The following ARHGAP42 variants were observed in gnomAD, a reference collection of about 807,000 sequenced individuals.
The protein encoded by ARHGAP42 is rho GTPase-activating protein 42.
Under a neutral mutation model 125.0 loss-of-function variants are expected in ARHGAP42, and 63 were observed. The ratio of observed to expected loss-of-function variants is 0.50; its 90% CI spans 0.41 to 0.62. The LOEUF is 0.62. Ranked by LOEUF, ARHGAP42 falls within the 20% of genes least tolerant of loss-of-function variation. ARHGAP42 has a pLI of 0.00. For synonymous variants in ARHGAP42, 339 were observed against 351.0 expected (o/e 0.97, Z 0.38); for missense variants, 766 against 1,024.2 (o/e 0.75, Z 3.44).
At chr11:100,961,044 A>C (rs1181449924) in intron 14 of ARHGAP42, 55 bp downstream of exon 14, 7 of 1,238,858 alleles carry the variant, frequency 5.7e-6, no homozygotes, top group Non-Finnish European at 7.8e-6. Context: ...AGGTAATCTA[A>C]AGTATGGACT....
intron 1 of ARHGAP42, among the ~76,000 whole-genome samples, chr11:100,706,431 C>A (rs563778767): frequency 6.6e-6 from 1 of 152,270 alleles, no homozygotes; most frequent in African/African-American, 2.4e-5. Flanking sequence ...ATATTGGAAC[C>A]ACTTCTGAAA....
chr11:100,869,176 C>T (rs550148710), intron 4 of ARHGAP42, among the ~76,000 whole-genome samples: 1 of 152,040 alleles, frequency 6.6e-6, no homozygotes, highest in South Asian at 2.1e-4. Context: ...ATGAACATTA[C>T]TTATAACTAA....
At chr11:100,948,339 C>T (rs1201412864) in intron 10 of ARHGAP42, 118 bp from the exon 11 acceptor site, 77 of 714,330 alleles carry the variant, frequency 1.1e-4, no homozygotes, top group South Asian at 3.8e-4. Context: ...TGTTTTTCTC[C>T]TCTGTCTTCA....
At chr11:100,692,052 TTTGGG>T (rs1178055405) in intron 1 of ARHGAP42, among the ~76,000 whole-genome samples, 1 of 152,228 alleles carries the variant, frequency 6.6e-6, no homozygotes, top group Non-Finnish European at 1.5e-5. Flanking sequence ...AATTGAATTG[TTTGGG>T]TGGGGACAGC....
intron 1 of ARHGAP42, among the ~76,000 whole-genome samples, chr11:100,709,886 A>G (rs1374314333): frequency 2.0e-5 from 3 of 152,260 alleles, no homozygotes; most frequent in Non-Finnish European, 2.9e-5. Context: ...CATCTTTTAA[A>G]GAATTTTTCC....
intron 4 of ARHGAP42, among the ~76,000 whole-genome samples, chr11:100,877,618 G>A (rs1865850955): frequency 6.6e-6 from 1 of 152,172 alleles, no homozygotes; most frequent in Admixed American, 6.5e-5. Context: ...AAAAAACACA[G>A]GGTTTAAGTC....
rs775502896 is a variant in ARHGAP42 at position 100,992,487 on chromosome 11, A to T, written c.*3686A>T. The stretch of plus-strand genomic sequence containing the variant: ...CCTTTTTTGTTACCTTCCAAAATCA[A>T]GACACTTTTAAGAAACAAAGATAGT... On this transcript the variant is annotated 3_prime_UTR_variant, in exon 24 of 24. Transcript: ENST00000298815. 6.2e-7 allele frequency: 1 copy of T among 1,614,130 alleles called. No individual in the cohort carries two copies. Among genetic ancestry groups the T allele is most frequent in the South Asian group, 1.1e-5 (1 of 91,080 alleles).
intron 5 of ARHGAP42, among the ~76,000 whole-genome samples, chr11:100,916,464 A>G (rs1867068987): frequency 6.6e-6 from 1 of 152,198 alleles, no homozygotes; most frequent in African/African-American, 2.4e-5. Context: ...GAAGGCAAAC[A>G]GGCATTGACT....
At chr11:100,781,418 T>G (rs1863308123) in intron 2 of ARHGAP42, among the ~76,000 whole-genome samples, 1 of 152,216 alleles carries the variant, frequency 6.6e-6, no homozygotes, top group Non-Finnish European at 1.5e-5. Flanking sequence ...GCTGATGTTT[T>G]CCTTCAGACC....
chr11:100,845,430 A>G (rs1363073882), intron 3 of ARHGAP42, among the ~76,000 whole-genome samples: 1 of 152,106 alleles, frequency 6.6e-6, no homozygotes, highest in Non-Finnish European at 1.5e-5. Flanking sequence ...ATGCACCAAA[A>G]TCTCACCAGT....
At chr11:100,730,356 C>T (rs1389765702) in intron 1 of ARHGAP42, among the ~76,000 whole-genome samples, 2 of 152,074 alleles carry the variant, frequency 1.3e-5, no homozygotes, top group African/African-American at 2.4e-5. Flanking sequence ...TGTATTTGAC[C>T]GCAGAGGTAT....
At position 100,696,102 on chromosome 11, in the gene ARHGAP42, T is replaced by C. The variant is rs566594050; in HGVS notation, c.154+8270T>C. ...TAGCTGGTGTAGTGATGCGTGCCTGTAGTCCCAGCTCCTTGGGAGGGTGAG... is the reference window on the plus strand; with the variant it reads ...TAGCTGGTGTAGTGATGCGTGCCTGCAGTCCCAGCTCCTTGGGAGGGTGAG... On this transcript the variant is annotated intron_variant, in intron 1 of 23. Coordinates refer to ENST00000298815, the MANE Select transcript of ARHGAP42 (RefSeq NM_152432.4). Among the ~76,000 whole-genome samples, 14 of 152,148 alleles carry C rather than the reference T, an allele frequency of 9.2e-5. No homozygotes were observed. The South Asian group carries it at 2.9e-3, about 32-fold the overall frequency.
chr11:100,806,829 GTTTGTTTGTTTA>G (rs1296582848), intron 3 of ARHGAP42, among the ~76,000 whole-genome samples: 1 of 115,464 alleles, frequency 8.7e-6, no homozygotes, highest in Non-Finnish European at 1.9e-5. Context: ...TTATTTGTTT[GTTTGTTTGTTTA>G]TTTATTTATT....
intron 6 of ARHGAP42, among the ~76,000 whole-genome samples, chr11:100,924,216 G>A (rs527296810): frequency 3.4e-4 from 51 of 152,134 alleles, no homozygotes; most frequent in African/African-American, 1.2e-3. Context: ...CAGATTGTAA[G>A]ATATCCAAAA....
intron 1 of ARHGAP42, among the ~76,000 whole-genome samples, chr11:100,724,768 AT>A (rs1861825817): frequency 6.6e-6 from 1 of 151,014 alleles, no homozygotes; most frequent in South Asian, 2.1e-4. Context: ...TTTTGGTTTC[AT>A]TGATTTTTTT....
At chr11:100,819,178 A>G (rs1349115300) in intron 3 of ARHGAP42, among the ~76,000 whole-genome samples, 1 of 152,190 alleles carries the variant, frequency 6.6e-6, no homozygotes, top group African/African-American at 2.4e-5. Context: ...GAATAAAGGT[A>G]TACAGAACGG....
chr11:100,834,025 A>G (rs774046691), intron 3 of ARHGAP42, among the ~76,000 whole-genome samples: 1 of 152,178 alleles, frequency 6.6e-6, no homozygotes, highest in African/African-American at 2.4e-5. Context: ...CCAATTTCTA[A>G]TGGTTGACCA....
chr11:100,888,953 G>A lies in ARHGAP42; in HGVS notation c.385-24499G>A, dbSNP rs141851175. On this transcript the variant is annotated intron_variant, in intron 4 of 23. Transcript: ENST00000298815. ...CTACAGTAGAAGCTTTTCTCTCCTC[G>A]GAGTTCCAAAGCATCTTGTTGAAAT... Among the ~76,000 whole-genome samples the A allele has an allele frequency of 3.0e-3, 451 of 152,228 alleles. 3 individuals carry two copies. The highest frequency in any genetic ancestry group is 0.01 in the African/African-American group (433 of 41,530).
At chr11:100,918,845 G>A (rs1867155302) in intron 5 of ARHGAP42, among the ~76,000 whole-genome samples, 1 of 152,026 alleles carries the variant, frequency 6.6e-6, no homozygotes, top group South Asian at 2.1e-4. Context: ...TCCTTTCTTT[G>A]CTTCTCATTC....
Sources: gnomAD v4.1 joint callset for allele counts (sites outside exome capture counted in the v4.1 genomes callset) on GRCh38, gnomAD v4.1.1 for gene constraint, MANE v1.5 for transcripts, NCBI Gene and HGNC (gene_info 2026-07-23, HGNC 2026-07-21) for gene names.